The following CCDC141 variants were observed in gnomAD, a reference collection of about 807,000 sequenced individuals.
CCDC141 encodes coiled-coil domain containing 141.
A neutral mutation model predicts 181.0 loss-of-function variants in CCDC141; 168 were observed. The observed-to-expected ratio is 0.93, with a 90% CI of 0.82 to 1.05. The LOEUF is 1.05. Among genes scored for constraint, CCDC141 ranks in the 50% least tolerant of loss-of-function variants. CCDC141 has a pLI of 0.00. For missense variants in CCDC141, 1,902 were observed against 1,788.5 expected (o/e 1.06, Z -1.14); for synonymous variants, 666 against 642.3 (o/e 1.04, Z -0.56).
At chr2:178,958,533 G>T (rs1463970294) in intron 5 of CCDC141, among the ~76,000 whole-genome samples, 4 of 152,072 alleles carry the variant, frequency 2.6e-5, no homozygotes, top group Non-Finnish European at 5.9e-5. Flanking sequence ...AAAAAAAAAT[G>T]AGACCCCGTA....
intron 8 of CCDC141, among the ~76,000 whole-genome samples, chr2:178,902,796 A>G (rs1343272304): frequency 6.7e-6 from 1 of 149,806 alleles, no homozygotes; most frequent in Admixed American, 6.9e-5. Flanking sequence ...CAGCAAAAGA[A>G]ACTACCATCA....
At chr2:178,920,101 T>C (rs1485943359) in intron 6 of CCDC141, among the ~76,000 whole-genome samples, 1 of 152,230 alleles carries the variant, frequency 6.6e-6, no homozygotes, top group Non-Finnish European at 1.5e-5. Context: ...CATAAAAGAA[T>C]GATTATCTCT....
intron 5 of CCDC141, among the ~76,000 whole-genome samples, chr2:178,950,058 C>T (rs1689886809): frequency 6.6e-6 from 1 of 152,142 alleles, no homozygotes; most frequent in Non-Finnish European, 1.5e-5. Context: ...AACAGAAATG[C>T]TTAAGGGGAG....
At chr2:179,025,096 T>A (rs186341519) in intron 2 of CCDC141, among the ~76,000 whole-genome samples, 17 of 152,202 alleles carry the variant, frequency 1.1e-4, no homozygotes, top group African/African-American at 3.9e-4. Flanking sequence ...GTTCATTTTC[T>A]TTTTCTTTTC....
At chr2:179,002,745 GTCTACT>G (rs758655767) in intron 2 of CCDC141, 1 of 155,804 alleles carries the variant, frequency 6.4e-6, no homozygotes, top group Admixed American at 6.5e-5. Context: ...CTCCAAGAGC[GTCTACT>G]TCTGAGTCCA....
chr2:179,013,399 A>G (rs891809574), intron 2 of CCDC141, among the ~76,000 whole-genome samples: 1 of 152,152 alleles, frequency 6.6e-6, no homozygotes, highest in South Asian at 2.1e-4. Context: ...TTAGGAATAT[A>G]CCAACCAAGG....
chr2:178,872,255 T>C lies in CCDC141; in HGVS notation c.1957A>G (p.Met653Val), dbSNP rs1246498696. The change falls in exon 13 of 24, where the codon ATG becomes GTG. Residue 653 changes from methionine (M) to valine (V), a missense_variant. Physicochemically the swap from Met to Val is conservative, Grantham distance 21 (BLOSUM62 1). Coordinates refer to ENST00000443758, the MANE Select transcript of CCDC141 (RefSeq NM_173648.4). ...KNEVYLMKNT[M>V]ENQKAEREEL... is the part of the protein sequence containing the mutation. Reference sequence around the variant, plus strand: ...TCCCGTTCTGCTTTCTGGTTTTCCATGGTGTTCTTCATGAGGTACACTTCA... The same window carrying C: ...TCCCGTTCTGCTTTCTGGTTTTCCACGGTGTTCTTCATGAGGTACACTTCA... 8.1e-6 allele frequency: 13 copies of C among 1,614,008 alleles called. No individual in the cohort carries two copies. Among genetic ancestry groups the C allele is most frequent in the Non-Finnish European group, 1.1e-5 (13 of 1,179,980 alleles).
intron 2 of CCDC141, among the ~76,000 whole-genome samples, chr2:179,014,575 G>GAA (rs1327019217): frequency 1.3e-5 from 2 of 151,512 alleles, no homozygotes; most frequent in African/African-American, 4.8e-5. Context: ...AAATCAGCAA[G>GAA]AAAAAAACAA....
intron 2 of CCDC141, among the ~76,000 whole-genome samples, chr2:179,006,333 T>G (rs2154383943): frequency 6.6e-6 from 1 of 152,346 alleles, no homozygotes. Flanking sequence ...GTTATCTGTT[T>G]CTGTTAACTA....
chr2:178,846,329 T>C (rs1684938730), intron 21 of CCDC141, among the ~76,000 whole-genome samples: 1 of 152,140 alleles, frequency 6.6e-6, no homozygotes, highest in South Asian at 2.1e-4. Context: ...TGCAAAGTAC[T>C]GTGGAGTCAG....
At chr2:178,868,265 A>T (rs1685942826) in intron 15 of CCDC141, 60 bp from the exon 16 acceptor site, 56 of 1,477,872 alleles carry the variant, frequency 3.8e-5, no homozygotes, top group Non-Finnish European at 4.9e-5. Flanking sequence ...TTTTTTTTTA[A>T]GCCTAATTTC....
intron 2 of CCDC141, among the ~76,000 whole-genome samples, chr2:179,039,620 A>G (rs2043238894): frequency 6.6e-6 from 1 of 152,178 alleles, no homozygotes; most frequent in African/African-American, 2.4e-5. Context: ...CACCCTTCCA[A>G]TGCCATTTTC....
Position 178,870,557 on chromosome 2 carries a change from A to G in CCDC141, c.2205+870T>C, listed in dbSNP as rs536404836. On this transcript the variant is annotated intron_variant, in intron 14 of 23. Coordinates refer to ENST00000443758, the MANE Select transcript of CCDC141 (RefSeq NM_173648.4). ...TTAAAGAGCCTAATATAGGCCAGTC[A>G]CATTTGCTGAGAGTTTTATAAGAGT... Among the ~76,000 whole-genome samples the G allele has an allele frequency of 3.3e-5, 5 of 152,306 alleles. No individual in the cohort carries two copies. The South Asian group carries it at 1.0e-3, about 32-fold the overall frequency.
At chr2:179,021,483 C>G (rs1162647340) in intron 2 of CCDC141, among the ~76,000 whole-genome samples, 1 of 152,174 alleles carries the variant, frequency 6.6e-6, no homozygotes, top group Admixed American at 6.5e-5. Flanking sequence ...TCACAGCTGT[C>G]CCGAGTGGAA....
chr2:179,005,498 A>G (rs1158484813), intron 2 of CCDC141, among the ~76,000 whole-genome samples: 3 of 152,220 alleles, frequency 2.0e-5, no homozygotes, highest in Non-Finnish European at 4.4e-5. Flanking sequence ...AAAAAGTAAC[A>G]TTGTAATGAA....
chr2:178,837,300 C>G lies in CCDC141; in HGVS notation c.3919G>C (p.Glu1307Gln). 6.2e-7 allele frequency: 1 copy of G among 1,614,096 alleles called. No individual in the cohort carries two copies. Residue 1307 changes from glutamate (E) to glutamine (Q), a missense_variant, in exon 23 of 24, where the codon GAA becomes CAA. Physicochemically the swap from Glu to Gln is conservative, Grantham distance 29 (BLOSUM62 2). Transcript: ENST00000443758. ...ATTCTGTGTAAGGCAGTACTCTTTT[C>G]CACGAATCCTCTGGAGGTTAGTGGG... ...EPPLTSRGFV[E>Q]KSTALHRISA...
intron 2 of CCDC141, among the ~76,000 whole-genome samples, chr2:178,999,708 A>G (rs1011627942): frequency 6.6e-6 from 1 of 151,888 alleles, no homozygotes; most frequent in Admixed American, 6.6e-5. Context: ...CCTATGGTCT[A>G]TCATCTATTT....
intron 6 of CCDC141, among the ~76,000 whole-genome samples, chr2:178,922,512 C>T (rs1289060722): frequency 1.3e-5 from 2 of 152,086 alleles, no homozygotes; most frequent in Non-Finnish European, 2.9e-5. Flanking sequence ...TGGACAAGAC[C>T]TCGGAGGTGA....
At chr2:178,889,951 AGTGTATTGGTAATATGAATTGT>A (rs1178925181) in intron 8 of CCDC141, among the ~76,000 whole-genome samples, 1 of 152,218 alleles carries the variant, frequency 6.6e-6, no homozygotes. Flanking sequence ...CTACAAAAGC[AGTGTATTGGTAATATGAATTGT>A]ATTTTGACTA....
Sources: allele counts gnomAD v4.1 joint callset (sites outside exome capture counted in the v4.1 genomes callset), GRCh38; gene constraint gnomAD v4.1.1; transcripts MANE v1.5; gene names NCBI Gene and HGNC (gene_info 2026-07-23, HGNC 2026-07-21).